Variants in KCNS3 observed in about 807,000 individuals in gnomAD.
KCNS3 encodes delayed-rectifier potassium channel regulatory subunit KCNS3.
Under a neutral mutation model 31.0 loss-of-function variants are expected in KCNS3, and 13 were observed. The observed-to-expected ratio is 0.42, with a 90% CI of 0.27 to 0.67. The LOEUF is 0.67. Ranked by LOEUF, KCNS3 falls within the 30% of genes least tolerant of loss-of-function variation. The pLI is 0.25. For synonymous variants in KCNS3, 238 were observed against 241.5 expected (o/e 0.99, Z 0.13); for missense variants, 545 against 622.4 (o/e 0.88, Z 1.32).
At chr2:17,930,291 A>G (rs1662927551) in intron 2 of KCNS3, among the ~76,000 whole-genome samples, 1 of 152,220 alleles carries the variant, frequency 6.6e-6, no homozygotes, top group Non-Finnish European at 1.5e-5. Context: ...ACACCATCCC[A>G]TGAAGTGTAA....
At chr2:17,905,707 T>C (rs1377925997) in intron 1 of KCNS3, among the ~76,000 whole-genome samples, 2 of 152,232 alleles carry the variant, frequency 1.3e-5, no homozygotes, top group African/African-American at 4.8e-5. Context: ...TTTCTGCATC[T>C]ATTGAGATAA....
chr2:17,893,134 A>G (rs572659748), intron 1 of KCNS3, among the ~76,000 whole-genome samples: 1 of 152,226 alleles, frequency 6.6e-6, no homozygotes, highest in African/African-American at 2.4e-5. Context: ...TGAGATTCCC[A>G]GGTCACTGGA....
chr2:17,906,833 A>G (rs149947598), intron 1 of KCNS3, among the ~76,000 whole-genome samples: 3 of 152,160 alleles, frequency 2.0e-5, no homozygotes, highest in Non-Finnish European at 4.4e-5. Context: ...ACTGTTTGTT[A>G]TAATTTCTGT....
At chr2:17,886,208 T>G (rs1000544824) in intron 1 of KCNS3, among the ~76,000 whole-genome samples, 2 of 152,214 alleles carry the variant, frequency 1.3e-5, no homozygotes, top group African/African-American at 4.8e-5. Context: ...CTTATATATT[T>G]TTTACTTTTA....
At chr2:17,879,053 C>G (rs918752550) in intron 1 of KCNS3, among the ~76,000 whole-genome samples, 11 of 152,336 alleles carry the variant, frequency 7.2e-5, no homozygotes, top group African/African-American at 2.6e-4. Flanking sequence ...CCGCCTGTTG[C>G]GTGAACTGCG....
intron 1 of KCNS3, among the ~76,000 whole-genome samples, chr2:17,909,729 A>G (rs1212921251): frequency 6.6e-6 from 1 of 152,236 alleles, no homozygotes; most frequent in Non-Finnish European, 1.5e-5. Flanking sequence ...CATTCCAGGC[A>G]GAGGGTTCAG....
At chr2:17,915,312 A>G (rs904310620) in intron 1 of KCNS3, among the ~76,000 whole-genome samples, 1 of 152,198 alleles carries the variant, frequency 6.6e-6, no homozygotes, top group African/African-American at 2.4e-5. Context: ...GAACAGGCCA[A>G]CACTGATCGG....
At chr2:17,891,637 C>G (rs888192733) in intron 1 of KCNS3, among the ~76,000 whole-genome samples, 2 of 152,096 alleles carry the variant, frequency 1.3e-5, no homozygotes, top group African/African-American at 4.8e-5. Flanking sequence ...GGCGAATTCT[C>G]TCAGCATTTG....
In KCNS3 at chr2:17,914,940, C is replaced by A. The variant is rs1662554786; in HGVS notation, c.-251-2740C>A. Among the ~76,000 whole-genome samples the A allele has an allele frequency of 2.0e-5, 3 of 152,338 alleles. No individual in the cohort carries two copies. The South Asian group carries it at 6.2e-4, about 32-fold the overall frequency. On this transcript the variant is annotated intron_variant, in intron 1 of 2. Coordinates refer to ENST00000304101, the MANE Select transcript of KCNS3 (RefSeq NM_002252.5). ...TGGGAGAATGGTGCAGGGAGTCATT[C>A]TCACTCATGTGGACTGTCTGCTGTC... is the stretch of plus-strand genomic sequence containing the variant.
At chr2:17,913,213 C>A (rs1285629113) in intron 1 of KCNS3, among the ~76,000 whole-genome samples, 1 of 152,136 alleles carries the variant, frequency 6.6e-6, no homozygotes, top group Non-Finnish European at 1.5e-5. Context: ...TGTTATTATT[C>A]ATATAATTTT....
intron 2 of KCNS3, among the ~76,000 whole-genome samples, chr2:17,925,267 C>G (rs1367922826): frequency 6.6e-6 from 1 of 152,170 alleles, no homozygotes; most frequent in Non-Finnish European, 1.5e-5. Flanking sequence ...GCGTCAACAT[C>G]AACATGAACC....
At chr2:17,893,436 A>G (rs1452868439) in intron 1 of KCNS3, among the ~76,000 whole-genome samples, 1 of 152,228 alleles carries the variant, frequency 6.6e-6, no homozygotes, top group Non-Finnish European at 1.5e-5. Flanking sequence ...AGTTCTGGCC[A>G]GGGGGCTTCT....
At chr2:17,878,299 C>A (rs1395945189), upstream of KCNS3, among the ~76,000 whole-genome samples, 2 of 152,196 alleles carry the variant, frequency 1.3e-5, no homozygotes, top group Non-Finnish European at 1.5e-5. Context: ...CTTTTTCCCG[C>A]AGGGCCACGG....
chr2:17,900,691 T>C (rs1270758767), intron 1 of KCNS3, among the ~76,000 whole-genome samples: 1 of 152,066 alleles, frequency 6.6e-6, no homozygotes, highest in Non-Finnish European at 1.5e-5. Flanking sequence ...GGTTTCACCA[T>C]GTTGGCCAGG....
At chr2:17,879,872 G>T (rs545247618) in intron 1 of KCNS3, among the ~76,000 whole-genome samples, 9 of 152,336 alleles carry the variant, frequency 5.9e-5, no homozygotes, top group African/African-American at 2.2e-4. Flanking sequence ...GTGCCAAGGC[G>T]TGAAGTGGGG....
intron 1 of KCNS3, among the ~76,000 whole-genome samples, chr2:17,891,880 G>C (rs1322319338): frequency 6.6e-6 from 1 of 152,050 alleles, no homozygotes; most frequent in African/African-American, 2.4e-5. Context: ...TCTCAGCTTT[G>C]GGTAACCTGT....
chr2:17,897,573 T>C (rs1422233476), intron 1 of KCNS3, among the ~76,000 whole-genome samples: 3 of 152,202 alleles, frequency 2.0e-5, no homozygotes, highest in African/African-American at 4.8e-5. Flanking sequence ...TTTTTTCATA[T>C]GTTTGTTGGC....
chr2:17,915,730 A>G (rs1407133843), intron 1 of KCNS3, among the ~76,000 whole-genome samples: 1 of 152,212 alleles, frequency 6.6e-6, no homozygotes, highest in Admixed American at 6.5e-5. Context: ...TTATAATTTT[A>G]TGTTGAGAAG....
chr2:17,914,215 A>G lies in KCNS3; in HGVS notation c.-251-3465A>G, dbSNP rs182459209. The stretch of plus-strand genomic sequence containing the variant: ...ACCTCTTCCTGTCTTACTAAGTTCC[A>G]TTACAGTCATAGACAGAACTAGCAG... On this transcript the variant is annotated intron_variant, in intron 1 of 2. Transcript: ENST00000304101. 3.3e-5 allele frequency among the ~76,000 whole-genome samples: 5 copies of G among 152,326 alleles called. No individual in the cohort carries two copies. In the East Asian group the frequency reaches 9.7e-4, roughly 29 times the overall value.
Sources: allele counts gnomAD v4.1 joint callset (sites outside exome capture counted in the v4.1 genomes callset), GRCh38; gene constraint gnomAD v4.1.1; transcripts MANE v1.5; gene names NCBI Gene and HGNC (gene_info 2026-07-23, HGNC 2026-07-21).